PYGO1: variants seen among roughly 807,000 people sequenced by gnomAD.
The protein encoded by PYGO1 is pygopus homolog 1.
PYGO1 carries 6 observed loss-of-function variants against 29.5 expected under a neutral mutation model. The observed-to-expected ratio is 0.20, with a 90% confidence interval of 0.11 to 0.40. The LOEUF (loss-of-function observed/expected upper bound fraction) is 0.40. Ranked by LOEUF, PYGO1 falls within the 10% of genes least tolerant of loss-of-function variation. The probability of loss-of-function intolerance (pLI) is 1.00; values close to 1 mark genes in which losing one functional copy is unlikely to be tolerated. For missense variants in PYGO1, 515 were observed against 514.9 expected (o/e 1.00, Z 0.00); for synonymous variants, 186 against 180.5 (o/e 1.03, Z -0.24).
chr15:55,556,136 C>T (rs1444718910), intron 1 of PYGO1, among the ~76,000 whole-genome samples: 1 of 152,154 alleles, frequency 6.6e-6, no homozygotes, highest in African/African-American at 2.4e-5. Flanking sequence ...GACCTGCACT[C>T]AGCTCTGGGT....
intron 1 of PYGO1, among the ~76,000 whole-genome samples, chr15:55,560,182 A>C (rs563151650): frequency 6.6e-6 from 1 of 152,304 alleles, no homozygotes; most frequent in Non-Finnish European, 1.5e-5. Context: ...AGTTCTGGTC[A>C]GGGCAATCAG....
intron 1 of PYGO1, among the ~76,000 whole-genome samples, chr15:55,552,813 T>A (rs1466250845): frequency 6.6e-6 from 1 of 152,028 alleles, no homozygotes; most frequent in Non-Finnish European, 1.5e-5. Flanking sequence ...CCTGCAAAGA[T>A]GAAAAAGAAT....
intron 1 of PYGO1, among the ~76,000 whole-genome samples, chr15:55,578,902 T>C (rs1409277590): frequency 6.6e-6 from 1 of 152,208 alleles, no homozygotes; most frequent in Non-Finnish European, 1.5e-5. Context: ...TAAGCTTATC[T>C]ACCTCTAAGA....
intron 1 of PYGO1, among the ~76,000 whole-genome samples, chr15:55,577,219 T>C (rs1198630497): frequency 6.6e-6 from 1 of 152,204 alleles, no homozygotes. Flanking sequence ...AAATTATGTA[T>C]TCAGTGAAAG....
chr15:55,556,926 T>A (rs1243279703), intron 1 of PYGO1, among the ~76,000 whole-genome samples: 1 of 151,090 alleles, frequency 6.6e-6, no homozygotes, highest in African/African-American at 2.4e-5. Context: ...GGCACATACA[T>A]CCTCCCAAGA....
At chr15:55,556,716 G>C (rs1185982775) in intron 1 of PYGO1, among the ~76,000 whole-genome samples, 2 of 151,526 alleles carry the variant, frequency 1.3e-5, no homozygotes, top group African/African-American at 2.4e-5. Flanking sequence ...AGCCAGGTTG[G>C]TATTTCGAAA....
chr15:55,585,756 G>C (rs1344305821), intron 1 of PYGO1, among the ~76,000 whole-genome samples: 2 of 152,102 alleles, frequency 1.3e-5, no homozygotes, highest in Non-Finnish European at 2.9e-5. Context: ...ATTTGATTAG[G>C]ACTGATAATT....
In PYGO1 at chr15:55,588,062, G is replaced by T; in HGVS notation, c.-179C>A. 1 of 1,130,370 alleles carries T rather than the reference G, an allele frequency of 8.8e-7. No individual in the cohort carries two copies. Among genetic ancestry groups the T allele is most frequent in the Non-Finnish European group, 1.1e-6 (1 of 923,360 alleles). 70.0% of individuals were successfully genotyped at this position (1,130,370 alleles called of 1,614,324 possible). ...TTTGCAAAGTTTGGGAGGAGGACGA[G>T]GCCTCGGGGCGGCGGGGCGGCGGGG... On this transcript the variant is annotated 5_prime_UTR_variant, in exon 1 of 3. Transcript: ENST00000563719.
intron 2 of PYGO1, among the ~76,000 whole-genome samples, chr15:55,548,544 A>G (rs1336664283): frequency 6.6e-6 from 1 of 151,424 alleles, no homozygotes. Context: ...CGTCTCTACT[A>G]AAAATACAAA....
At position 55,539,300 on chromosome 15, in the gene PYGO1, T is replaced by C. The variant is rs1429346575; in HGVS notation, c.*6723A>G. On this transcript the variant is annotated 3_prime_UTR_variant, in exon 3 of 3. Coordinates refer to ENST00000563719, the MANE Select transcript of PYGO1 (RefSeq NM_001367806.1). ...GGCTTACCATTATTTAAGTAGTTAC[T>C]ATGAAGTAATTCAGAATTGAGAATG... 6.6e-6 allele frequency: 1 copy of C among 152,152 alleles called. No individual in the cohort carries two copies. The allele number at this position is 152,152 out of a possible 1,614,324, so 9.4% of individuals were successfully genotyped here.
intron 1 of PYGO1, 137 bp from the exon 2 acceptor site, chr15:55,549,132 T>C: frequency 3.5e-6 from 2 of 576,194 alleles, no homozygotes; most frequent in East Asian, 3.3e-5. Context: ...ATTATCATTA[T>C]CTGTTTCAAA....
intron 1 of PYGO1, among the ~76,000 whole-genome samples, chr15:55,575,026 A>T (rs1002032869): frequency 4.6e-5 from 7 of 152,190 alleles, no homozygotes; most frequent in Non-Finnish European, 8.8e-5. Context: ...ATTTCATCTG[A>T]TCCTCAAAGA....
chr15:55,546,144 C>G lies in PYGO1; in HGVS notation c.1139G>C (p.Gly380Ala). The change falls in exon 3 of 3, where the codon GGC (glycine) becomes GCC (alanine). Residue 380 changes from glycine (G) to alanine (A), a missense_variant. Gly to Ala is a moderately conservative substitution (Grantham distance 60). Transcript: ENST00000563719. The part of the protein sequence containing the change: ...ICTGMTETAY[G>A]LLTAEASAVW... ...TGCAGATGCTTCTGCAGTTAAGAGG[C>G]CATAAGCTGTTTCAGTCATTCCAGT... 6.2e-7 allele frequency: 1 copy of G among 1,614,180 alleles called. No individual in the cohort carries two copies. The highest frequency in any genetic ancestry group is 8.5e-7 in the Non-Finnish European group (1 of 1,180,034).
intron 1 of PYGO1, among the ~76,000 whole-genome samples, chr15:55,585,994 T>C (rs2141681666): frequency 6.6e-6 from 1 of 152,346 alleles, no homozygotes; most frequent in East Asian, 1.9e-4. Flanking sequence ...AACAATATTC[T>C]CTAAATTATG....
intron 1 of PYGO1, among the ~76,000 whole-genome samples, chr15:55,549,892 C>T (rs530589742): frequency 6.6e-6 from 1 of 152,166 alleles, no homozygotes; most frequent in Non-Finnish European, 1.5e-5. Flanking sequence ...ATAACCATCA[C>T]ATCTCATCTT....
At chr15:55,584,208 C>T (rs979847355) in intron 1 of PYGO1, among the ~76,000 whole-genome samples, 1 of 151,118 alleles carries the variant, frequency 6.6e-6, no homozygotes, top group Non-Finnish European at 1.5e-5. Flanking sequence ...CCTCAACCTC[C>T]CTGGGCTCAG....
In PYGO1 at chr15:55,574,648, A is replaced by ATGTG. The variant is rs56305536; in HGVS notation, c.49+13183_49+13186dup. 1.5e-3 allele frequency among the ~76,000 whole-genome samples: 226 copies of ATGTG among 151,034 alleles called. 1 individual carries two copies. Among genetic ancestry groups the ATGTG allele is most frequent in the African/African-American group, 3.6e-3 (150 of 41,168 alleles). ...CATGTTGTTCAAAGGTATACTGTATATGTGTGTGTGTGTGTGTGTGTGTGT... is the reference window on the plus strand; with the variant it reads ...CATGTTGTTCAAAGGTATACTGTATATGTGTGTGTGTGTGTGTGTGTGTGTGTGT... On this transcript the variant is annotated intron_variant, in intron 1 of 2. Transcript: ENST00000563719.
chr15:55,578,226 T>C (rs899218428), intron 1 of PYGO1, among the ~76,000 whole-genome samples: 1 of 152,222 alleles, frequency 6.6e-6, no homozygotes, highest in African/African-American at 2.4e-5. Context: ...ATACCACATT[T>C]TGTTTATTCA....
At chr15:55,556,960 A>C (rs2058908602) in intron 1 of PYGO1, among the ~76,000 whole-genome samples, 1 of 151,976 alleles carries the variant, frequency 6.6e-6, no homozygotes, top group Admixed American at 6.6e-5. Context: ...AAACTGAATT[A>C]AAGAATAGTA....
Sources: gnomAD v4.1 joint callset for allele counts (sites outside exome capture counted in the v4.1 genomes callset) on GRCh38, gnomAD v4.1.1 for gene constraint, MANE v1.5 for transcripts, NCBI Gene and HGNC (gene_info 2026-07-23, HGNC 2026-07-21) for gene names.